CCDC141: variants seen among roughly 807,000 people sequenced by gnomAD.
CCDC141 encodes coiled-coil domain-containing protein 141.
Under a neutral mutation model 181.0 loss-of-function variants are expected in CCDC141, and 168 were observed. The observed-to-expected ratio is 0.93, with a 90% CI of 0.82 to 1.05. The LOEUF (loss-of-function observed/expected upper bound fraction) is 1.05. CCDC141 is among the 50% of genes least tolerant of loss of function. CCDC141 has a pLI of 0.00. For missense variants in CCDC141, 1,902 were observed against 1,788.5 expected, an observed-to-expected ratio of 1.06 and a Z score of -1.14; for synonymous variants, 666 against 642.3, an observed-to-expected ratio of 1.04 and a Z score of -0.56.
At chr2:178,853,392 A>T in intron 20 of CCDC141, 49 bp downstream of exon 20, 1 of 1,546,812 alleles carries the variant, frequency 6.5e-7, no homozygotes, top group African/African-American at 1.4e-5. Context: ...TAGGCTCAGT[A>T]TAGATTTGTT....
intron 14 of CCDC141, among the ~76,000 whole-genome samples, chr2:178,870,522 G>A (rs1575152432): frequency 1.3e-5 from 2 of 152,128 alleles, no homozygotes; most frequent in Non-Finnish European, 2.9e-5. Context: ...AGCAGATAAC[G>A]CAGGGTGTAT....
chr2:178,931,445 C>G (rs1007542614), intron 6 of CCDC141, among the ~76,000 whole-genome samples: 1 of 151,998 alleles, frequency 6.6e-6, no homozygotes, highest in Non-Finnish European at 1.5e-5. Flanking sequence ...TGAGGAATGG[C>G]TAAATGAAAG....
At chr2:178,992,006 A>G (rs1383219790) in intron 2 of CCDC141, among the ~76,000 whole-genome samples, 1 of 152,006 alleles carries the variant, frequency 6.6e-6, no homozygotes, top group Non-Finnish European at 1.5e-5. Context: ...CACTATTATC[A>G]CTGCCACCAT....
At position 179,050,121 on chromosome 2, in the gene CCDC141, G is replaced by A. The variant is rs371016447; in HGVS notation, c.-180C>T. On this transcript the variant is annotated 5_prime_UTR_variant, in exon 1 of 24. In the 5' UTR this introduces an upstream ATG that the reference lacks. Transcript: ENST00000443758. ...AATAGACAACCCCATTGAGTTTATC[G>A]TGAGAGAGAAAGGAGCGAACGAGAG... The A allele has an allele frequency of 1.2e-4, 110 of 912,590 alleles. No individual in the cohort carries two copies. Among genetic ancestry groups the A allele is most frequent in the African/African-American group, 7.7e-4 (46 of 59,932 alleles). 56.5% of individuals were successfully genotyped at this position (912,590 alleles called of 1,614,324 possible).
chr2:179,039,669 GT>G (rs2043241114), intron 2 of CCDC141, among the ~76,000 whole-genome samples: 1 of 152,036 alleles, frequency 6.6e-6, no homozygotes, highest in Non-Finnish European at 1.5e-5. Flanking sequence ...GCAAGACCCT[GT>G]ACATACAAAA....
At chr2:178,986,301 T>C (rs1236846611) in intron 2 of CCDC141, among the ~76,000 whole-genome samples, 1 of 152,142 alleles carries the variant, frequency 6.6e-6, no homozygotes, top group Non-Finnish European at 1.5e-5. Context: ...AAATTAGGTA[T>C]TGATGGGACA....
At chr2:178,889,095 A>G (rs1687022987) in intron 8 of CCDC141, among the ~76,000 whole-genome samples, 1 of 152,186 alleles carries the variant, frequency 6.6e-6, no homozygotes, top group African/African-American at 2.4e-5. Context: ...ATAGGGTAAA[A>G]TATTTACATA....
chr2:178,886,592 T>G (rs1686896291), intron 10 of CCDC141, among the ~76,000 whole-genome samples, 160 bp downstream of exon 10: 1 of 152,188 alleles, frequency 6.6e-6, no homozygotes, highest in Non-Finnish European at 1.5e-5. Flanking sequence ...TAAATATAAT[T>G]TAGACACATA....
In CCDC141 at chr2:178,842,231, C is replaced by T. The variant is rs927529620; in HGVS notation, c.3474+3395G>A. On this transcript the variant is annotated intron_variant, in intron 22 of 23. Coordinates refer to ENST00000443758, the MANE Select transcript of CCDC141 (RefSeq NM_173648.4). Reference sequence around the variant, plus strand: ...AAAACATAGCTCAACTCTCAATCTGCTTTTCTTATATCAAATTGAGAGGCT... The same window carrying T: ...AAAACATAGCTCAACTCTCAATCTGTTTTTCTTATATCAAATTGAGAGGCT... Among the ~76,000 whole-genome samples the T allele has an allele frequency of 5.3e-5, 8 of 152,152 alleles. 1 individual carries two copies. The highest frequency in any genetic ancestry group is 5.2e-4 in the Admixed American group (8 of 15,280).
At chr2:178,815,145 G>A in the CCDC141 span, among the ~76,000 whole-genome samples, 1 of 152,138 alleles carries the variant, frequency 6.6e-6, no homozygotes, top group African/African-American at 2.4e-5. Context: ...TGCCCAGTCT[G>A]TAGTACATTT....
intron 2 of CCDC141, among the ~76,000 whole-genome samples, chr2:178,983,366 A>G (rs1691539803): frequency 6.6e-6 from 1 of 152,262 alleles, no homozygotes; most frequent in Non-Finnish European, 1.5e-5. Flanking sequence ...AGAGGGGGAA[A>G]AAACAGAACA....
chr2:179,044,098 A>G (rs759179471), intron 2 of CCDC141, among the ~76,000 whole-genome samples: 1 of 152,222 alleles, frequency 6.6e-6, no homozygotes, highest in Non-Finnish European at 1.5e-5. Flanking sequence ...ACAACTAACA[A>G]GAAAAGTGAA....
chr2:178,869,970 G>A (rs1342269468), intron 14 of CCDC141, among the ~76,000 whole-genome samples: 1 of 152,088 alleles, frequency 6.6e-6, no homozygotes, highest in Non-Finnish European at 1.5e-5. Flanking sequence ...GGTGGCTCAC[G>A]CCTGTAATCC....
At chr2:178,998,670 C>T (rs1273264991) in intron 2 of CCDC141, among the ~76,000 whole-genome samples, 2 of 151,676 alleles carry the variant, frequency 1.3e-5, no homozygotes, top group African/African-American at 4.8e-5. Flanking sequence ...TTTTTTCTTC[C>T]ACTGACTACC....
intron 10 of CCDC141, among the ~76,000 whole-genome samples, chr2:178,885,365 T>C (rs1021564573): frequency 6.6e-6 from 1 of 152,208 alleles, no homozygotes; most frequent in East Asian, 1.9e-4. Context: ...GGTTGTTTGG[T>C]ATGAAAGGTT....
chr2:178,846,283 T>C (rs1684936995), intron 21 of CCDC141, among the ~76,000 whole-genome samples: 1 of 152,174 alleles, frequency 6.6e-6, no homozygotes, highest in South Asian at 2.1e-4. Context: ...CTGCATTTCA[T>C]GGGGCTCAGT....
intron 2 of CCDC141, among the ~76,000 whole-genome samples, chr2:178,980,439 G>A (rs759174418): frequency 1.7e-4 from 26 of 152,104 alleles, no homozygotes; most frequent in Non-Finnish European, 3.2e-4. Context: ...AACAGAGCGA[G>A]ACTCTGTCTC....
chr2:178,982,545 C>G (rs985513460), intron 2 of CCDC141, among the ~76,000 whole-genome samples: 15 of 152,212 alleles, frequency 9.9e-5, no homozygotes, highest in Non-Finnish European at 2.2e-4. Flanking sequence ...GCATTTCCAT[C>G]TGAGGTACCG....
At chr2:178,860,543 CTTTTTTTTTTTTTT>C (rs71023458) in intron 17 of CCDC141, among the ~76,000 whole-genome samples, 2 of 51,354 alleles carry the variant, frequency 3.9e-5, no homozygotes, top group African/African-American at 1.7e-4. Flanking sequence ...AAAAACAACA[CTTTTTTTTTTTTTT>C]TTTTTTTTTT....
Sources: allele counts gnomAD v4.1 joint callset (sites outside exome capture counted in the v4.1 genomes callset), GRCh38; gene constraint gnomAD v4.1.1; transcripts MANE v1.5; gene names NCBI Gene and HGNC (gene_info 2026-07-23, HGNC 2026-07-21).